RASD1: variants seen among roughly 807,000 people sequenced by gnomAD.
RASD1 encodes ras related dexamethasone induced 1, also known as dexamethasone-induced Ras-related protein 1.
A neutral mutation model predicts 16.7 loss-of-function variants in RASD1; 13 were observed. The observed-to-expected ratio is 0.78, with a 90% CI of 0.51 to 1.24. RASD1 has a LOEUF of 1.24. RASD1 is among the 50% of genes most tolerant of loss of function. RASD1 has a pLI of 0.00. For missense variants in RASD1, 397 were observed against 407.5 expected, an observed-to-expected ratio of 0.97 and a Z score of 0.22; for synonymous variants, 170 against 172.6, an observed-to-expected ratio of 0.98 and a Z score of 0.12.
In RASD1 at chr17:17,494,594, TC is replaced by T. The variant is rs1234930848; in HGVS notation, c.*530del. ...TTAAAGTGCAAGTTTTGTTTTGTGT[TC>T]CTTTGTGCAGTTTCACTCACATGTA... On this transcript the variant is annotated 3_prime_UTR_variant, in exon 2 of 2. Transcript: ENST00000225688. 1.3e-5 allele frequency: 2 copies of T among 159,296 alleles called. No individual in the cohort carries two copies. The highest frequency in any genetic ancestry group is 4.8e-5 in the African/African-American group (2 of 41,486). 9.9% of individuals were successfully genotyped at this position (159,296 alleles called of 1,614,324 possible).
Position 17,496,355 on chromosome 17 carries a change from G to T in RASD1, c.-174C>A, listed in dbSNP as rs1367532513. The T allele has an allele frequency of 1.5e-6, 1 of 674,922 alleles. No homozygotes were observed. Among genetic ancestry groups the T allele is most frequent in the Non-Finnish European group, 2.3e-6 (1 of 430,840 alleles). The allele number at this position is 674,922 out of a possible 1,614,324, so 41.8% of individuals were successfully genotyped here. On this transcript the variant is annotated 5_prime_UTR_variant, in exon 1 of 2. Coordinates refer to ENST00000225688, the MANE Select transcript of RASD1 (RefSeq NM_016084.5). ...CTGGGCTCGGGCTAGGCTGGGCTCGGCTGGGGTTCTCCCAGGATCTGGGCA... is the reference window on the plus strand; with the variant it reads ...CTGGGCTCGGGCTAGGCTGGGCTCGTCTGGGGTTCTCCCAGGATCTGGGCA...
chr17:17,496,308 T>A lies in RASD1; in HGVS notation c.-127A>T. 9.5e-7 allele frequency: 1 copy of A among 1,054,618 alleles called. No individual in the cohort carries two copies. Among genetic ancestry groups the A allele is most frequent in the Non-Finnish European group, 1.3e-6 (1 of 762,236 alleles). The allele number at this position is 1,054,618 out of a possible 1,614,324, so 65.3% of individuals were successfully genotyped here. Reference sequence around the variant, plus strand: ...GCTCGGGCTGGGCGCGGCTCGGGCTTGGGGCTCCGGCTCCGCTCGGGCTGG... The same window carrying A: ...GCTCGGGCTGGGCGCGGCTCGGGCTAGGGGCTCCGGCTCCGCTCGGGCTGG... On this transcript the variant is annotated 5_prime_UTR_variant, in exon 1 of 2. Coordinates refer to ENST00000225688, the MANE Select transcript of RASD1 (RefSeq NM_016084.5).
rs1187844880 is a variant in RASD1 at position 17,495,488 on chromosome 17, C to G, written c.483G>C (p.Glu161Asp). The change falls in exon 2 of 2, where the codon GAG becomes GAC. Residue 161 changes from glutamate to aspartate, a missense_variant. Glu to Asp is a conservative substitution (Grantham distance 45, BLOSUM62 2). Coordinates refer to ENST00000225688, the MANE Select transcript of RASD1 (RefSeq NM_016084.5). ...FYREVDQREIEQLVGDDPQRC... is the reference protein window; with the variant it reads ...FYREVDQREIDQLVGDDPQRC... ...GCTGGGGGTCGTCGCCCACCAGCTG[C>G]TCGATCTCGCGCTGGTCCACCTCGC... is the stretch of plus-strand genomic sequence containing the variant. The G allele has an allele frequency of 6.2e-7, 1 of 1,610,726 alleles. No individual in the cohort carries two copies. The highest frequency in any genetic ancestry group is 8.5e-7 in the Non-Finnish European group (1 of 1,178,992).
Position 17,495,053 on chromosome 17 carries a change from G to T in RASD1, c.*72C>A. On this transcript the variant is annotated 3_prime_UTR_variant, in exon 2 of 2. Coordinates refer to ENST00000225688, the MANE Select transcript of RASD1 (RefSeq NM_016084.5). ...AGTCCGCGCGCGCTCCCGGCCTGGG[G>T]CGCACCGGGCCGTTGGATTTGACTT... is the stretch of plus-strand genomic sequence containing the variant. 1 of 1,560,204 alleles carries T rather than the reference G, an allele frequency of 6.4e-7. No homozygotes were observed. Among genetic ancestry groups the T allele is most frequent in the African/African-American group, 1.4e-5 (1 of 72,314 alleles).
At chr17:17,495,854 T>C in intron 1 of RASD1, 42 bp downstream of exon 1, 1 of 1,551,466 alleles carries the variant, frequency 6.4e-7, no homozygotes, top group Non-Finnish European at 8.7e-7. Flanking sequence ...GGCCGAGGGT[T>C]CCCCGCCCTT....
Position 17,494,558 on chromosome 17 carries a change from C to G in RASD1, c.*567G>C, listed in dbSNP as rs1905339213. ...GTTTTGTTCGTGTCCATGTTGACAC[C>G]GGAACTACCGTTAAAGTGCAAGTTT... On this transcript the variant is annotated 3_prime_UTR_variant, in exon 2 of 2. Transcript: ENST00000225688. The G allele has an allele frequency of 6.4e-6, 1 of 155,956 alleles. No individual in the cohort carries two copies. The highest frequency in any genetic ancestry group is 1.4e-5 in the Non-Finnish European group (1 of 70,484). 9.7% of individuals were successfully genotyped at this position (155,956 alleles called of 1,614,324 possible). A position where few individuals can be genotyped will look rare whatever the true frequency, so the allele number is the denominator to read the frequency against.
In RASD1 at chr17:17,495,957, G is replaced by A. The variant is rs371213200; in HGVS notation, c.225C>T (p.Asp75=). The part of the protein sequence containing the change: ...YSIRGEVYQL[D]ILDTSGNHPF... The stretch of plus-strand genomic sequence containing the variant: ...GGTGGTTGCCGGACGTGTCGAGGAT[G>A]TCGAGCTGGTAGACCTCGCCGCGGA... The change falls in exon 1 of 2, where the codon GAC becomes GAT. Residue 75 remains aspartate, a synonymous_variant. Transcript: ENST00000225688. The A allele has an allele frequency of 2.5e-6, 4 of 1,612,604 alleles. No homozygotes were observed. The African/African-American group carries it at 4.0e-5, about 16-fold the overall frequency.
At position 17,495,287 on chromosome 17, in the gene RASD1, C is replaced by A; in HGVS notation, c.684G>T (p.Leu228=). 1 of 1,559,890 alleles carries A rather than the reference C, an allele frequency of 6.4e-7. No individual in the cohort carries two copies. Residue 228 remains leucine, a synonymous_variant, in exon 2 of 2, where the codon CTG becomes CTT. Transcript: ENST00000225688. Reference sequence around the variant, plus strand: ...CGCCGCCGCCGCCGCTGCCGGCCCGCAGCAGCTTCTTGTTCCGCAGCGCCT... The same window carrying A: ...CGCCGCCGCCGCCGCTGCCGGCCCGAAGCAGCTTCTTGTTCCGCAGCGCCT... ...HKKALRNKKL[L]RAGSGGGGGD...
rs886311133 is a variant in RASD1, at chr17:17,494,467, T to TA, written c.*657dup. 2 of 150,742 alleles carry TA rather than the reference T, an allele frequency of 1.3e-5. No individual in the cohort carries two copies. Among genetic ancestry groups the TA allele is most frequent in the Non-Finnish European group, 3.0e-5 (2 of 67,594 alleles). 9.3% of individuals were successfully genotyped at this position (150,742 alleles called of 1,614,324 possible). A position where few individuals can be genotyped will look rare whatever the true frequency, so the allele number is the denominator to read the frequency against. On this transcript the variant is annotated 3_prime_UTR_variant, in exon 2 of 2. Coordinates refer to ENST00000225688, the MANE Select transcript of RASD1 (RefSeq NM_016084.5). ...CATTTTAAATTATTTTATTGTATAT[T>TA]AAAAAACCAAATAAAGCAATAACTT...
chr17:17,495,203 G>C lies in RASD1; in HGVS notation c.768C>G (p.His256Gln). The C allele has an allele frequency of 6.2e-7, 1 of 1,611,474 alleles. No homozygotes were observed. Among genetic ancestry groups the C allele is most frequent in the Admixed American group, 1.7e-5 (1 of 59,976 alleles). The change falls in exon 2 of 2, where the codon CAC becomes CAG. Residue 256 changes from histidine to glutamine, a missense_variant. Coordinates refer to ENST00000225688, the MANE Select transcript of RASD1 (RefSeq NM_016084.5). ...VAPFARRPSV[H>Q]SDLMYIREKA... ...TCTCGCGGATGTACATGAGGTCGCT[G>C]TGTACGCTGGGCCGGCGCGCGAAGG...
In RASD1 at chr17:17,495,661, T is replaced by C. The variant is rs753955816; in HGVS notation, c.310A>G (p.Ser104Gly). Residue 104 changes from serine to glycine, a missense_variant, in exon 2 of 2, where the codon AGT becomes GGT. Coordinates refer to ENST00000225688, the MANE Select transcript of RASD1 (RefSeq NM_016084.5). Reference sequence around the variant, plus strand: ...TCGAAGGAGTCGCGGTTGTCCAGACTGAACACCAGGATGAAAACGTCTCCT... The same window carrying C: ...TCGAAGGAGTCGCGGTTGTCCAGACCGAACACCAGGATGAAAACGTCTCCT... ...LTGDVFILVF[S>G]LDNRDSFEEV... 1.2e-6 allele frequency: 2 copies of C among 1,611,314 alleles called. No individual in the cohort carries two copies. The highest frequency in any genetic ancestry group is 1.7e-6 in the Non-Finnish European group (2 of 1,178,846).
Position 17,496,040 on chromosome 17 carries a change from G to T in RASD1, c.142C>A (p.Arg48Ser), listed in dbSNP as rs141915492. ...GTAGGCGTGTAGGCGTCCTCGAAGC[G>T]GCCGGTGAGGAAGCGCGACACGATG... ...TAIVSRFLTGRFEDAYTPTIE... is the reference protein window; with the variant it reads ...TAIVSRFLTGSFEDAYTPTIE... The change falls in exon 1 of 2, where the codon CGC (arginine) becomes AGC (serine). Residue 48 changes from arginine (R) to serine (S), a missense_variant. Coordinates refer to ENST00000225688, the MANE Select transcript of RASD1 (RefSeq NM_016084.5). The T allele has an allele frequency of 7.2e-5, 117 of 1,613,984 alleles. No homozygotes were observed. The highest frequency in any genetic ancestry group is 8.3e-5 in the Non-Finnish European group (98 of 1,180,034).
At position 17,495,467 on chromosome 17, in the gene RASD1, G is replaced by A. The variant is rs1905395109; in HGVS notation, c.504C>T (p.Pro168=). 1 of 1,609,340 alleles carries A rather than the reference G, an allele frequency of 6.2e-7. No homozygotes were observed. Among genetic ancestry groups the A allele is most frequent in the Non-Finnish European group, 8.5e-7 (1 of 1,178,078 alleles). The change falls in exon 2 of 2, where the codon CCC becomes CCT. Residue 168 remains proline, a synonymous_variant. Transcript: ENST00000225688. ...REIEQLVGDD[P]QRCAYFEISA... ...AGATCTCGAAGTAGGCGCAGCGCTG[G>A]GGGTCGTCGCCCACCAGCTGCTCGA...
At position 17,495,551 on chromosome 17, in the gene RASD1, C is replaced by G; in HGVS notation, c.420G>C (p.Leu140=). The part of the protein sequence containing the change: ...NKTKENVDVP[L]VICGNKGDRD... ...GGTCACCCTTGTTGCCGCAGATGAC[C>G]AGGGGCACGTCCACGTTCTCCTTGG... The change falls in exon 2 of 2, where the codon CTG becomes CTC. Residue 140 remains leucine (L), a synonymous_variant. Transcript: ENST00000225688. The G allele has an allele frequency of 6.2e-7, 1 of 1,612,860 alleles. No homozygotes were observed. The highest frequency in any genetic ancestry group is 8.5e-7 in the Non-Finnish European group (1 of 1,179,862).
In RASD1 at chr17:17,494,974, G is replaced by T; in HGVS notation, c.*151C>A. On this transcript the variant is annotated 3_prime_UTR_variant, in exon 2 of 2. Coordinates refer to ENST00000225688, the MANE Select transcript of RASD1 (RefSeq NM_016084.5). Reference sequence around the variant, plus strand: ...CCGGAGCAGATGACCGTCCCTTCTCGGTTCAGTGGCGCCTCCCCAGTGCTG... The same window carrying T: ...CCGGAGCAGATGACCGTCCCTTCTCTGTTCAGTGGCGCCTCCCCAGTGCTG... The T allele has an allele frequency of 1.0e-6, 1 of 953,286 alleles. No individual in the cohort carries two copies. Among genetic ancestry groups the T allele is most frequent in the Non-Finnish European group, 1.5e-6 (1 of 654,412 alleles). 59.1% of individuals were successfully genotyped at this position (953,286 alleles called of 1,614,324 possible).
chr17:17,495,951 G>T lies in RASD1; in HGVS notation c.231C>A (p.Leu77=). 6.2e-7 allele frequency: 1 copy of T among 1,612,368 alleles called. No individual in the cohort carries two copies. Among genetic ancestry groups the T allele is most frequent in the Non-Finnish European group, 8.5e-7 (1 of 1,179,992 alleles). The change falls in exon 1 of 2, where the codon CTC becomes CTA. Residue 77 remains leucine (L), a synonymous_variant. Coordinates refer to ENST00000225688, the MANE Select transcript of RASD1 (RefSeq NM_016084.5). ...GGAACGGGTGGTTGCCGGACGTGTC[G>T]AGGATGTCGAGCTGGTAGACCTCGC... ...IRGEVYQLDI[L]DTSGNHPFPA...
intron 1 of RASD1, 34 bp downstream of exon 1, chr17:17,495,862 C>A: frequency 1.3e-6 from 2 of 1,570,074 alleles, no homozygotes; most frequent in South Asian, 1.1e-5. Flanking sequence ...GTTCCCCGCC[C>A]TTCCCTCCCG....
rs747306308 is a variant in RASD1, at chr17:17,495,945, C to T, written c.237G>A (p.Thr79=). ...TGGCGGGGAACGGGTGGTTGCCGGA[C>T]GTGTCGAGGATGTCGAGCTGGTAGA... ...GEVYQLDILD[T]SGNHPFPAMR... is the part of the protein sequence containing the mutation. The change falls in exon 1 of 2, where the codon ACG becomes ACA. Residue 79 remains threonine (T), a synonymous_variant. Transcript: ENST00000225688. 36 of 1,611,778 alleles carry T rather than the reference C, an allele frequency of 2.2e-5. No homozygotes were observed. The highest frequency in any genetic ancestry group is 3.1e-5 in the Non-Finnish European group (36 of 1,179,948).
chr17:17,495,298 T>C lies in RASD1; in HGVS notation c.673A>G (p.Lys225Glu), dbSNP rs1024822023. 1 of 1,556,122 alleles carries C rather than the reference T, an allele frequency of 6.4e-7. No individual in the cohort carries two copies. Among genetic ancestry groups the C allele is most frequent in the African/African-American group, 1.4e-5 (1 of 73,514 alleles). ...CCGCTGCCGGCCCGCAGCAGCTTCT[T>C]GTTCCGCAGCGCCTTCTTGTGCAGC... ...DVLHKKALRN[K>E]KLLRAGSGGG... Residue 225 changes from lysine (K) to glutamate (E), a missense_variant, in exon 2 of 2, where the codon AAG becomes GAG. Lys to Glu is a moderately conservative substitution (Grantham distance 56). Transcript: ENST00000225688.
Sources: allele counts gnomAD v4.1 joint callset, GRCh38; gene constraint gnomAD v4.1.1; transcripts MANE v1.5; gene names NCBI Gene and HGNC (gene_info 2026-07-23, HGNC 2026-07-21).